The following PAPOLG variants were observed in gnomAD, a reference collection of about 807,000 sequenced individuals.
PAPOLG encodes the protein PAP-gamma.
A neutral mutation model predicts 99.0 loss-of-function variants in PAPOLG; 40 were observed. That is an observed-to-expected ratio of 0.40 (90% CI 0.31 to 0.53). PAPOLG has a LOEUF of 0.53. Ranked by LOEUF, PAPOLG falls within the 20% of genes least tolerant of loss-of-function variation. The pLI is 0.41. For missense variants in PAPOLG, 675 were observed against 884.1 expected, an observed-to-expected ratio of 0.76 and a Z score of 3.00; for synonymous variants, 310 against 299.3, an observed-to-expected ratio of 1.04 and a Z score of -0.37.
intron 10 of PAPOLG, 77 bp from the exon 11 acceptor site, chr2:60,781,808 T>C: frequency 6.3e-7 from 1 of 1,579,852 alleles, no homozygotes; most frequent in Non-Finnish European, 8.6e-7. Flanking sequence ...TTTCATATTC[T>C]TCAGACTTTT....
At position 60,792,055 on chromosome 2, in the gene PAPOLG, G is replaced by A. The variant is rs549496176; in HGVS notation, c.1519-74G>A. The A allele has an allele frequency of 2.0e-6, 3 of 1,498,796 alleles. No individual in the cohort carries two copies. The South Asian group carries it at 4.0e-5, about 20-fold the overall frequency. The allele number at this position is 1,498,796 out of a possible 1,614,324, so 92.8% of individuals were successfully genotyped here. ...ATCACAAGAGATAATTTGCTTAAGTGACCTTCAGAATTGAAACCAGTCTTT... is the reference window on the plus strand; with the variant it reads ...ATCACAAGAGATAATTTGCTTAAGTAACCTTCAGAATTGAAACCAGTCTTT... On this transcript the variant is annotated intron_variant, in intron 16 of 21. Transcript: ENST00000238714.
chr2:60,763,229 A>G (rs892013913), intron 3 of PAPOLG, among the ~76,000 whole-genome samples: 8 of 151,960 alleles, frequency 5.3e-5, no homozygotes, highest in Middle Eastern at 3.4e-3. Flanking sequence ...GGAATGCACA[A>G]TTGTGCTTGG....
rs1671813065 is a variant in PAPOLG at position 60,800,174 on chromosome 2, ATTATTTTTTTATTTT to A, written c.*3027_*3041del. The A allele has an allele frequency of 6.6e-6, 1 of 152,044 alleles. No individual in the cohort carries two copies. The highest frequency in any genetic ancestry group is 2.1e-4 in the South Asian group (1 of 4,816). 9.4% of individuals were successfully genotyped at this position (152,044 alleles called of 1,614,324 possible). A position where few individuals can be genotyped will look rare whatever the true frequency, so the allele number is the denominator to read the frequency against. ...TTTGTAAAACTGGGACAGGAGAATT[ATTATTTTTTTATTTT>A]TTATTTTTTTATGAAGACAAGAGTT... On this transcript the variant is annotated 3_prime_UTR_variant, in exon 22 of 22. Transcript: ENST00000238714.
intron 19 of PAPOLG, 118 bp from the exon 20 acceptor site, chr2:60,794,592 C>A: frequency 2.5e-6 from 2 of 806,890 alleles, no homozygotes; most frequent in Non-Finnish European, 3.9e-6. Context: ...TCTTACCAAT[C>A]CATGTTTATA....
intron 15 of PAPOLG, 28 bp from the exon 16 acceptor site, chr2:60,791,733 C>A: frequency 1.3e-6 from 2 of 1,568,906 alleles, no homozygotes; most frequent in South Asian, 1.2e-5. Context: ...AAAGAAGTTT[C>A]CCATTTAACA....
At chr2:60,794,546 G>A in intron 19 of PAPOLG, 164 bp from the exon 20 acceptor site, 1 of 634,236 alleles carries the variant, frequency 1.6e-6, no homozygotes, top group Non-Finnish European at 2.7e-6. Context: ...GAAATTAACG[G>A]TGGCAGTTGA....
At chr2:60,771,416 C>G in intron 6 of PAPOLG, 103 bp from the exon 7 acceptor site, 1 of 1,381,486 alleles carries the variant, frequency 7.2e-7, no homozygotes, top group Non-Finnish European at 9.4e-7. Flanking sequence ...TAGAACTTCC[C>G]AAACTCATAA....
intron 5 of PAPOLG, among the ~76,000 whole-genome samples, chr2:60,769,424 G>A (rs1015837292): frequency 2.0e-5 from 3 of 152,114 alleles, no homozygotes; most frequent in South Asian, 4.1e-4. Context: ...TTGAGGAGGG[G>A]GTTATGTGAA....
chr2:60,799,608 G>GTTTTGTTTTGTTTTGTTTTA lies in PAPOLG; in HGVS notation c.*2467_*2468insATTTTGTTTTGTTTTGTTTT, dbSNP rs1671803059. 1.3e-5 allele frequency: 2 copies of GTTTTGTTTTGTTTTGTTTTA among 149,078 alleles called. No homozygotes were observed. The highest frequency in any genetic ancestry group is 5.1e-5 in the African/African-American group (2 of 39,292). The allele number at this position is 149,078 out of a possible 1,614,324, so 9.2% of individuals were successfully genotyped here. ...TGAGAGGCACTAAGTACATGTGTTT[G>GTTTTGTTTTGTTTTGTTTTA]TTTTGTTTTGTTTTGTTTTGTTTTG... On this transcript the variant is annotated 3_prime_UTR_variant, in exon 22 of 22. Coordinates refer to ENST00000238714, the MANE Select transcript of PAPOLG (RefSeq NM_022894.4).
chr2:60,782,812 T>G (rs1265693511), intron 12 of PAPOLG, 42 bp downstream of exon 12: 2 of 1,532,866 alleles, frequency 1.3e-6, no homozygotes, highest in Non-Finnish European at 1.7e-6. Flanking sequence ...GATTTTTTTT[T>G]TTTTAAAGAA....
intron 2 of PAPOLG, 136 bp downstream of exon 2, chr2:60,760,431 C>T: frequency 2.6e-6 from 2 of 763,714 alleles, no homozygotes; most frequent in Non-Finnish European, 4.2e-6. Context: ...CCTCTTGGAG[C>T]TTACATTTTA....
intron 17 of PAPOLG, 129 bp from the exon 18 acceptor site, chr2:60,793,498 A>T: frequency 9.5e-7 from 1 of 1,057,514 alleles, no homozygotes. Context: ...CAGGAGGTTG[A>T]GGCTGCAGTG....
intron 8 of PAPOLG, among the ~76,000 whole-genome samples, chr2:60,777,920 C>G (rs144474230): frequency 6.6e-6 from 1 of 152,246 alleles, no homozygotes; most frequent in Non-Finnish European, 1.5e-5. Flanking sequence ...GATCACTAAT[C>G]ACAAATCACC....
chr2:60,793,138 G>A (rs1328489747), intron 17 of PAPOLG, among the ~76,000 whole-genome samples: 1 of 149,028 alleles, frequency 6.7e-6, no homozygotes, highest in African/African-American at 2.5e-5. Flanking sequence ...CCGGAAGGTT[G>A]AGGCTGCAGT....
chr2:60,785,624 C>T (rs999678939), intron 13 of PAPOLG, among the ~76,000 whole-genome samples: 8 of 151,390 alleles, frequency 5.3e-5, no homozygotes, highest in Non-Finnish European at 8.8e-5. Context: ...TGGGATCAAG[C>T]GATGCCTCCT....
chr2:60,796,208 C>CTTTTT (rs66526788), intron 21 of PAPOLG, among the ~76,000 whole-genome samples: 1 of 110,316 alleles, frequency 9.1e-6, no homozygotes, highest in Non-Finnish European at 1.9e-5. Context: ...TTTTGCCTTC[C>CTTTTT]TTTTTTTTTT....
chr2:60,782,128 A>T, intron 11 of PAPOLG, 123 bp downstream of exon 11: 1 of 1,050,616 alleles, frequency 9.5e-7, no homozygotes, highest in Admixed American at 2.4e-5. Context: ...AAATTCTTTC[A>T]AGTATGGTTA....
chr2:60,795,000 ATT>A lies in PAPOLG; in HGVS notation c.2093_2094del (p.Ile698ArgfsTer11). On this transcript the variant is annotated frameshift_variant, in exon 21 of 22. Transcript: ENST00000238714. LOFTEE classifies it high-confidence loss of function. ...IGGESMPIPT[I>X]DTSRKKRLPS... ...AGGAGAATCTATGCCTATTCCAACT[ATT>A]GATACATCACGCAAAAAGGTAACAA... 6.2e-7 allele frequency: 1 copy of A among 1,613,262 alleles called. No homozygotes were observed. Among genetic ancestry groups the A allele is most frequent in the Non-Finnish European group, 8.5e-7 (1 of 1,179,412 alleles).
intron 5 of PAPOLG, among the ~76,000 whole-genome samples, 190 bp downstream of exon 5, chr2:60,769,080 G>C (rs1366652480): frequency 2.0e-5 from 3 of 152,232 alleles, no homozygotes; most frequent in Middle Eastern, 3.4e-3. Context: ...ACTTGGGTTG[G>C]CATCTAGAAT....
Sources: allele counts gnomAD v4.1 joint callset (sites outside exome capture counted in the v4.1 genomes callset), GRCh38; gene constraint gnomAD v4.1.1; transcripts MANE v1.5; gene names NCBI Gene and HGNC (gene_info 2026-07-23, HGNC 2026-07-21).